The following FAM204A variants were observed in gnomAD, a reference collection of about 807,000 sequenced individuals.
The protein encoded by FAM204A is protein FAM204A.
FAM204A carries 16 observed loss-of-function variants against 35.4 expected under a neutral mutation model. The ratio of observed to expected loss-of-function variants is 0.45; its 90% confidence interval spans 0.31 to 0.69. The LOEUF (loss-of-function observed/expected upper bound fraction) is 0.69. Ranked by LOEUF, FAM204A falls within the 30% of genes least tolerant of loss-of-function variation. The pLI is 0.07. For missense variants in FAM204A, 240 were observed against 265.7 expected (o/e 0.90, Z 0.67); for synonymous variants, 76 against 86.9 (o/e 0.88, Z 0.70).
intron 6 of FAM204A, among the ~76,000 whole-genome samples, chr10:118,334,193 A>G (rs1045351057): frequency 1.4e-4 from 21 of 152,150 alleles, no homozygotes; most frequent in African/African-American, 4.8e-4. Flanking sequence ...CTGCTTTCCA[A>G]TAACACTCAA....
At position 118,298,646 on chromosome 10, in the gene FAM204A, C is replaced by G. The variant is rs1845774835; in HGVS notation, c.*12211G>C. On this transcript the variant is annotated 3_prime_UTR_variant, in exon 9 of 9. Coordinates refer to ENST00000369183, the MANE Select transcript of FAM204A (RefSeq NM_022063.3). ...AGATCTAGCTTGGAGCAGGTCGTAG[C>G]AGAGGACAGACATTTTACAATGTAC... The G allele has an allele frequency of 6.6e-6, 1 of 152,158 alleles. No homozygotes were observed. The highest frequency in any genetic ancestry group is 1.5e-5 in the Non-Finnish European group (1 of 68,028). The allele number at this position is 152,158 out of a possible 1,614,324, so 9.4% of individuals were successfully genotyped here. A position where few individuals can be genotyped will look rare whatever the true frequency, so the allele number is the denominator to read the frequency against.
intron 2 of FAM204A, 50 bp from the exon 3 acceptor site, chr10:118,336,473 T>C: frequency 6.7e-7 from 1 of 1,484,094 alleles, no homozygotes; most frequent in Non-Finnish European, 9.0e-7. Context: ...ATAGAAATAA[T>C]TTTAAGACCA....
chr10:118,337,082 T>G (rs1589731467), intron 2 of FAM204A: 1 of 211,784 alleles, frequency 4.7e-6, no homozygotes, highest in Admixed American at 6.5e-5. Flanking sequence ...AATACTATAT[T>G]TGGGAAACTA....
At chr10:118,331,998 T>C (rs1589728445) in intron 6 of FAM204A, among the ~76,000 whole-genome samples, 1 of 150,256 alleles carries the variant, frequency 6.7e-6, no homozygotes, top group Non-Finnish European at 1.5e-5. Flanking sequence ...ATATGGTGAA[T>C]CCCCATCTCT....
At chr10:118,332,587 C>T (rs1253271023) in intron 6 of FAM204A, among the ~76,000 whole-genome samples, 1 of 151,424 alleles carries the variant, frequency 6.6e-6, no homozygotes, top group African/African-American at 2.4e-5. Context: ...AGGAAGCCAG[C>T]CTTTTAACTG....
chr10:118,316,573 CATGT>C (rs1846033908), intron 7 of FAM204A, among the ~76,000 whole-genome samples: 1 of 152,162 alleles, frequency 6.6e-6, no homozygotes, highest in African/African-American at 2.4e-5. Context: ...TTGTATACTA[CATGT>C]ATCTATATAT....
intron 1 of FAM204A, 109 bp downstream of exon 1, chr10:118,342,161 A>G (rs958450224): frequency 2.6e-5 from 4 of 152,318 alleles, no homozygotes; most frequent in African/African-American, 4.8e-5. Context: ...CCGAGGAGCT[A>G]TGAGGCCGCC....
intron 6 of FAM204A, among the ~76,000 whole-genome samples, chr10:118,326,695 A>G (rs1429345597): frequency 6.6e-6 from 1 of 152,186 alleles, no homozygotes; most frequent in Admixed American, 6.5e-5. Flanking sequence ...GGCCAAAGCC[A>G]GCGTCTGTAA....
intron 7 of FAM204A, among the ~76,000 whole-genome samples, chr10:118,321,240 T>C (rs1447585114): frequency 6.6e-6 from 1 of 152,066 alleles, no homozygotes; most frequent in Non-Finnish European, 1.5e-5. Context: ...AACTCACACT[T>C]AGTTCTCAAA....
In FAM204A at chr10:118,303,804, C is replaced by A. The variant is rs1845833739; in HGVS notation, c.*7053G>T. On this transcript the variant is annotated 3_prime_UTR_variant, in exon 9 of 9. Transcript: ENST00000369183. ...TCTAGCCTGGCGACAGAGCAAGACT[C>A]CGTCTCAAAAAGAAAAAAAGAAAAA... 1 of 124,748 alleles carries A rather than the reference C, an allele frequency of 8.0e-6. No homozygotes were observed. Among genetic ancestry groups the A allele is most frequent in the Non-Finnish European group, 1.9e-5 (1 of 52,440 alleles). 7.7% of individuals were successfully genotyped at this position (124,748 alleles called of 1,614,324 possible).
intron 7 of FAM204A, among the ~76,000 whole-genome samples, chr10:118,312,463 C>T (rs144418538): frequency 3.3e-5 from 5 of 152,152 alleles, no homozygotes; most frequent in East Asian, 1.9e-4. Context: ...AGGTTTGGCA[C>T]GCTTGACATG....
At chr10:118,320,572 A>C (rs1160141956) in intron 7 of FAM204A, among the ~76,000 whole-genome samples, 1 of 151,758 alleles carries the variant, frequency 6.6e-6, no homozygotes. Context: ...ACACACACAC[A>C]TATTTCAAAT....
At chr10:118,332,733 T>C (rs551268565) in intron 6 of FAM204A, among the ~76,000 whole-genome samples, 37 of 152,284 alleles carry the variant, frequency 2.4e-4, no homozygotes, top group African/African-American at 8.7e-4. Context: ...ATAAAAAACT[T>C]GAAAAATTCA....
Position 118,302,339 on chromosome 10 carries a change from G to A in FAM204A, c.*8518C>T, listed in dbSNP as rs1845816640. The A allele has an allele frequency of 2.0e-5, 3 of 152,228 alleles. No individual in the cohort carries two copies. The highest frequency in any genetic ancestry group is 6.5e-5 in the Admixed American group (1 of 15,284). The allele number at this position is 152,228 out of a possible 1,614,324, so 9.4% of individuals were successfully genotyped here. The stretch of plus-strand genomic sequence containing the variant: ...CCTCTAGTGCCATCCTGGCAGTTAA[G>A]GCCCTTGAGCAGCCGTCACTGCCAC... On this transcript the variant is annotated 3_prime_UTR_variant, in exon 9 of 9. Transcript: ENST00000369183.
At chr10:118,336,104 A>G in intron 3 of FAM204A, 78 bp downstream of exon 3, 1 of 1,520,164 alleles carries the variant, frequency 6.6e-7, no homozygotes, top group Admixed American at 1.9e-5. Context: ...ATACATGCAC[A>G]TTCTGACCAG....
chr10:118,300,478 C>A lies in FAM204A; in HGVS notation c.*10379G>T, dbSNP rs1422946959. On this transcript the variant is annotated 3_prime_UTR_variant, in exon 9 of 9. Coordinates refer to ENST00000369183, the MANE Select transcript of FAM204A (RefSeq NM_022063.3). ...GAATACAGTCATGAAAATTGAATGG[C>A]CCATTAGATCATGGTGGTGTAGCCT... 1.3e-5 allele frequency: 2 copies of A among 152,108 alleles called. No homozygotes were observed. The highest frequency in any genetic ancestry group is 2.4e-5 in the African/African-American group (1 of 41,426). 9.4% of individuals were successfully genotyped at this position (152,108 alleles called of 1,614,324 possible). A position where few individuals can be genotyped will look rare whatever the true frequency, so the allele number is the denominator to read the frequency against.
chr10:118,335,678 C>A lies in FAM204A; in HGVS notation c.235-37G>T, dbSNP rs762541583. On this transcript the variant is annotated intron_variant, in intron 3 of 8. Transcript: ENST00000369183. ...AAAAAAAAATTGAGAAGCAAATATA[C>A]TTTCCAGAAAAACATGCATTTAAAA... The A allele has an allele frequency of 8.3e-6, 12 of 1,446,820 alleles. No homozygotes were observed. The Admixed American group carries it at 1.6e-4, about 20-fold the overall frequency. The allele number at this position is 1,446,820 out of a possible 1,614,324, so 89.6% of individuals were successfully genotyped here.
At chr10:118,330,947 TATG>T (rs1235083917) in intron 6 of FAM204A, among the ~76,000 whole-genome samples, 1 of 152,236 alleles carries the variant, frequency 6.6e-6, no homozygotes, top group African/African-American at 2.4e-5. Flanking sequence ...TCTGCAAGAT[TATG>T]ATGAGTCAAA....
At chr10:118,332,171 C>CAAAAAAAAA (rs1846299938) in intron 6 of FAM204A, among the ~76,000 whole-genome samples, 1 of 1,586 alleles carries the variant, frequency 6.3e-4, no homozygotes, top group Non-Finnish European at 8.3e-3. Context: ...GACTCTGTTT[C>CAAAAAAAAA]AGAAAAAAAA....
Sources: allele counts gnomAD v4.1 joint callset (sites outside exome capture counted in the v4.1 genomes callset), GRCh38; gene constraint gnomAD v4.1.1; transcripts MANE v1.5; gene names NCBI Gene and HGNC (gene_info 2026-07-23, HGNC 2026-07-21).